CACNA1E: variants seen among roughly 807,000 people sequenced by gnomAD.
CACNA1E encodes voltage-dependent R-type calcium channel subunit alpha-1E.
CACNA1E carries 40 observed loss-of-function variants against 259.2 expected under a neutral mutation model. The ratio of observed to expected loss-of-function variants is 0.15; its 90% CI spans 0.12 to 0.20. The LOEUF (loss-of-function observed/expected upper bound fraction) is 0.20. Ranked by LOEUF, CACNA1E falls within the 10% of genes least tolerant of loss-of-function variation. The pLI is 1.00. For synonymous variants in CACNA1E, 1,104 were observed against 1,138.5 expected (o/e 0.97, Z 0.61); for missense variants, 1,874 against 3,040.1 (o/e 0.62, Z 9.02).
At position 181,807,938 on chromosome 1, in the gene CACNA1E, T is replaced by G. The variant is rs1662741265; in HGVS notation, c.*9104T>G. 1 of 152,160 alleles carries G rather than the reference T, an allele frequency of 6.6e-6. No homozygotes were observed. The highest frequency in any genetic ancestry group is 6.5e-5 in the Admixed American group (1 of 15,270). 9.4% of individuals were successfully genotyped at this position (152,160 alleles called of 1,614,324 possible). On this transcript the variant is annotated 3_prime_UTR_variant, in exon 48 of 48. Coordinates refer to ENST00000367573, the MANE Select transcript of CACNA1E (RefSeq NM_001205293.3). ...CTTCACACTTTTATGAGATAATAAG[T>G]TGGTTTCTTGGGCAAAGGTTGGTTT... is the stretch of plus-strand genomic sequence containing the variant.
chr1:181,505,054 A>G lies in CACNA1E; in HGVS notation c.267-5423A>G, dbSNP rs190930578. On this transcript the variant is annotated intron_variant, in intron 1 of 47. Coordinates refer to ENST00000367573, the MANE Select transcript of CACNA1E (RefSeq NM_001205293.3). ...CTTTTGCAAGTTTCAAAGTGGTTTC[A>G]TGGTCATTTCCTCATTTTGGCCAGG... Among the ~76,000 whole-genome samples, 266 of 152,240 alleles carry G rather than the reference A, an allele frequency of 1.7e-3. 1 individual carries two copies. The highest frequency in any genetic ancestry group is 6.1e-3 in the African/African-American group (255 of 41,548).
In CACNA1E at chr1:181,801,263, AGAG is replaced by A. The variant is rs1244772433; in HGVS notation, c.*2433_*2435del. On this transcript the variant is annotated 3_prime_UTR_variant, in exon 48 of 48. Coordinates refer to ENST00000367573, the MANE Select transcript of CACNA1E (RefSeq NM_001205293.3). ...TTTAGTGACACCTTATGCCATTTCA[AGAG>A]GAGAAATGCAGGCTGGCAGAGCAAT... 1 of 152,658 alleles carries A rather than the reference AGAG, an allele frequency of 6.6e-6. No homozygotes were observed. The highest frequency in any genetic ancestry group is 1.5e-5 in the Non-Finnish European group (1 of 68,040). The allele number at this position is 152,658 out of a possible 1,614,324, so 9.5% of individuals were successfully genotyped here.
Position 181,510,499 on chromosome 1 carries a change from G to A in CACNA1E, c.289G>A (p.Ala97Thr). The A allele has an allele frequency of 6.2e-7, 1 of 1,613,764 alleles. No individual in the cohort carries two copies. Among genetic ancestry groups the A allele is most frequent in the Non-Finnish European group, 8.5e-7 (1 of 1,179,712 alleles). ...DWPPFEYMILATIIANCIVLA... is the reference protein window; with the variant it reads ...DWPPFEYMILTTIIANCIVLA... ...CACGCCATTTGAGTACATGATCCTG[G>A]CCACCATCATTGCCAACTGCATCGT... Residue 97 changes from alanine to threonine, a missense_variant, in exon 2 of 48, where the codon GCC becomes ACC. Physicochemically the swap from Ala to Thr is moderately conservative, Grantham distance 58. Transcript: ENST00000367573.
chr1:181,558,597 C>G (rs1031550236), intron 3 of CACNA1E, among the ~76,000 whole-genome samples: 1 of 152,076 alleles, frequency 6.6e-6, no homozygotes, highest in Non-Finnish European at 1.5e-5. Context: ...AAGCTGGGCA[C>G]CTGCAGGAAA....
intron 12 of CACNA1E, among the ~76,000 whole-genome samples, chr1:181,719,128 G>A (rs1232621961): frequency 6.6e-6 from 1 of 152,174 alleles, no homozygotes; most frequent in African/African-American, 2.4e-5. Flanking sequence ...GTACCTTTCG[G>A]CATTGCTGTC....
chr1:181,683,618 T>C (rs1229899430), intron 7 of CACNA1E, among the ~76,000 whole-genome samples: 4 of 152,200 alleles, frequency 2.6e-5, no homozygotes, highest in Non-Finnish European at 4.4e-5. Context: ...GGCCCTGATA[T>C]CTATTGTTAA....
intron 43 of CACNA1E, among the ~76,000 whole-genome samples, chr1:181,789,453 T>G (rs1661109546): frequency 6.6e-6 from 1 of 151,954 alleles, no homozygotes; most frequent in Non-Finnish European, 1.5e-5. Context: ...GGATGCAGAG[T>G]CATCAGCAGT....
chr1:181,416,515 C>T (rs1459333232), intron 2 of CACNA1E, among the ~76,000 whole-genome samples: 1 of 152,312 alleles, frequency 6.6e-6, no homozygotes, highest in South Asian at 2.1e-4. Context: ...TTCACTAATA[C>T]ACTGTCTGGC....
At chr1:181,335,550 G>A (rs991971195) in intron 1 of CACNA1E, among the ~76,000 whole-genome samples, 3 of 152,192 alleles carry the variant, frequency 2.0e-5, no homozygotes, top group Non-Finnish European at 4.4e-5. Flanking sequence ...TTGGGGTATT[G>A]TCTTCAGGTT....
In CACNA1E at chr1:181,390,325, A is replaced by ATTTG. The variant is rs549400492; in HGVS notation, c.-14-22805_-14-22804insGTTT. Among the ~76,000 whole-genome samples the ATTTG allele has an allele frequency of 8.8e-3, 1,262 of 143,404 alleles. 24 individuals are homozygous for ATTTG. The highest frequency in any genetic ancestry group is 0.044 in the Admixed American group (609 of 13,796). The allele number at this position is 143,404 out of a possible 152,430, so 94.1% of individuals were successfully genotyped here. ...ACCTTATTTATTTATTTATTTATTT[A>ATTTG]TTTATTTGTTTTTTATGAGAAGTTA... On this transcript the variant is annotated intron_variant, in intron 1 of 11. Coordinates refer to the CACNA1E transcript ENST00000524607.
At chr1:181,772,860 C>T (rs1174148169) in intron 37 of CACNA1E, among the ~76,000 whole-genome samples, 1 of 152,162 alleles carries the variant, frequency 6.6e-6, no homozygotes, top group African/African-American at 2.4e-5. Context: ...GTGGAGCATA[C>T]CCACCTATAA....
chr1:181,639,767 T>C (rs952644664), intron 6 of CACNA1E, among the ~76,000 whole-genome samples: 4 of 152,234 alleles, frequency 2.6e-5, no homozygotes, highest in African/African-American at 9.6e-5. Context: ...GGGATGCTCA[T>C]TTGGAATGAG....
intron 30 of CACNA1E, 108 bp from the exon 31 acceptor site, chr1:181,757,839 C>T: frequency 1.6e-6 from 2 of 1,233,320 alleles, no homozygotes; most frequent in South Asian, 1.4e-5. Context: ...TTGCCCAGCC[C>T]TGCCCTTTTT....
At chr1:181,468,364 T>C (rs566814332) in intron 2 of CACNA1E, among the ~76,000 whole-genome samples, 154 of 152,316 alleles carry the variant, frequency 1.0e-3, no homozygotes, top group African/African-American at 3.7e-3. Flanking sequence ...CTGAACTGAT[T>C]GTCTCCAGAA....
In CACNA1E at chr1:181,703,567, G is replaced by A. The variant is rs114474237; in HGVS notation, c.1056-7387G>A. On this transcript the variant is annotated intron_variant, in intron 7 of 47. Coordinates refer to ENST00000367573, the MANE Select transcript of CACNA1E (RefSeq NM_001205293.3). ...TTAATTGTCATGCTTTTCTTCCCCTGTGTCTACTCAAACAAATAAATGAGA... is the reference window on the plus strand; with the variant it reads ...TTAATTGTCATGCTTTTCTTCCCCTATGTCTACTCAAACAAATAAATGAGA... Among the ~76,000 whole-genome samples the A allele has an allele frequency of 7.4e-3, 1,129 of 152,210 alleles. 18 individuals carry two copies. Among genetic ancestry groups the A allele is most frequent in the African/African-American group, 0.025 (1,050 of 41,518 alleles).
At chr1:181,508,448 T>A (rs529672935) in intron 1 of CACNA1E, among the ~76,000 whole-genome samples, 2 of 152,248 alleles carry the variant, frequency 1.3e-5, no homozygotes, top group African/African-American at 4.8e-5. Flanking sequence ...ATGGATTCCT[T>A]GGCCACCATT....
Position 181,758,173 on chromosome 1 carries a change from T to C in CACNA1E, c.4494+62T>C, listed in dbSNP as rs1658256504. 6.8e-7 allele frequency: 1 copy of C among 1,463,520 alleles called. No homozygotes were observed. The highest frequency in any genetic ancestry group is 9.5e-7 in the Non-Finnish European group (1 of 1,053,902). The allele number at this position is 1,463,520 out of a possible 1,614,324, so 90.7% of individuals were successfully genotyped here. A position where few individuals can be genotyped will look rare whatever the true frequency, so the allele number is the denominator to read the frequency against. ...AGCGATGGTTCCCTCCCAGGGCAAG[T>C]GGGAAGACACCCCAACATCCCAGCC... On this transcript the variant is annotated intron_variant, in intron 31 of 47. Transcript: ENST00000367573. The surrounding 1 kb of genome is among the most constrained non-coding windows in gnomAD (Gnocchi z 4.2).
At position 181,617,333 on chromosome 1, in the gene CACNA1E, G is replaced by C. The variant is rs954401839; in HGVS notation, c.952-34005G>C. ...GTTAGTGTGTGTTTTGCTCATCATG[G>C]TATTTTGTACCTGGAATAGTAGCTG... On this transcript the variant is annotated intron_variant, in intron 6 of 47. Coordinates refer to ENST00000367573, the MANE Select transcript of CACNA1E (RefSeq NM_001205293.3). 2.0e-5 allele frequency among the ~76,000 whole-genome samples: 3 copies of C among 151,380 alleles called. No homozygotes were observed. In the East Asian group the frequency reaches 5.8e-4, roughly 29 times the overall value.
intron 6 of CACNA1E, among the ~76,000 whole-genome samples, chr1:181,583,103 TACACAC>T (rs34193608): frequency 0.04 from 5,848 of 145,040 alleles, 154 homozygotes; most frequent in East Asian, 0.17. Flanking sequence ...GGACTGTTCC[TACACAC>T]ACACACACAC....
Sources: allele counts gnomAD v4.1 joint callset (sites outside exome capture counted in the v4.1 genomes callset), GRCh38; gene constraint gnomAD v4.1.1; non-coding constraint Gnocchi (gnomAD v3.1); transcripts MANE v1.5; gene names NCBI Gene and HGNC (gene_info 2026-07-23, HGNC 2026-07-21).